ANKRD22: variants seen among roughly 807,000 people sequenced by gnomAD.
ANKRD22 encodes the protein ankyrin repeat domain 22.
A neutral mutation model predicts 25.7 loss-of-function variants in ANKRD22; 24 were observed. The ratio of observed to expected loss-of-function variants is 0.93; its 90% CI spans 0.68 to 1.31. ANKRD22 has a LOEUF of 1.31. Ranked by LOEUF, ANKRD22 falls within the 50% of genes most tolerant of loss-of-function variation. The pLI, the probability that ANKRD22 is intolerant of heterozygous loss-of-function variation, is 0.00. For missense variants in ANKRD22, 214 were observed against 227.1 expected (o/e 0.94, Z 0.37); for synonymous variants, 84 against 84.3 (o/e 1.00, Z 0.02).
rs1843811609 is a variant in ANKRD22 at position 88,822,650 on chromosome 10, T to G, written c.*291A>C. The G allele has an allele frequency of 5.0e-6, 1 of 200,208 alleles. No individual in the cohort carries two copies. Among genetic ancestry groups the G allele is most frequent in the Non-Finnish European group, 9.9e-6 (1 of 101,002 alleles). The allele number at this position is 200,208 out of a possible 1,614,324, so 12.4% of individuals were successfully genotyped here. A position where few individuals can be genotyped will look rare whatever the true frequency, so the allele number is the denominator to read the frequency against. On this transcript the variant is annotated 3_prime_UTR_variant, in exon 6 of 6. Coordinates refer to ENST00000371930, the MANE Select transcript of ANKRD22 (RefSeq NM_144590.3). ...CTCCCACCTCAGCCTCCCAAGTAGC[T>G]GGGATTACAGGCATGTACCACTGTG...
intron 1 of ANKRD22, among the ~76,000 whole-genome samples, chr10:88,839,614 A>G (rs1285880777): frequency 6.6e-6 from 1 of 152,168 alleles, no homozygotes; most frequent in Non-Finnish European, 1.5e-5. Flanking sequence ...TAAATGAGCT[A>G]GTGGGTTAAA....
chr10:88,842,855 G>C (rs1443726176), intron 1 of ANKRD22, among the ~76,000 whole-genome samples: 2 of 152,148 alleles, frequency 1.3e-5, no homozygotes, highest in Non-Finnish European at 2.9e-5. Flanking sequence ...ATAGTGTTAT[G>C]AATTGTTACT....
intron 1 of ANKRD22, among the ~76,000 whole-genome samples, chr10:88,841,072 C>T (rs1208465962): frequency 2.0e-5 from 3 of 152,102 alleles, no homozygotes; most frequent in Non-Finnish European, 4.4e-5. Context: ...CCTGAAAGGT[C>T]TGTTTGAGAA....
chr10:88,846,421 A>T (rs1344925344), intron 1 of ANKRD22, among the ~76,000 whole-genome samples: 2 of 152,198 alleles, frequency 1.3e-5, no homozygotes, highest in Admixed American at 6.5e-5. Flanking sequence ...ATAAAGTCAC[A>T]TTTGGGGAAA....
At chr10:88,838,084 G>T (rs1291466866) in intron 1 of ANKRD22, among the ~76,000 whole-genome samples, 1 of 152,150 alleles carries the variant, frequency 6.6e-6, no homozygotes, top group Non-Finnish European at 1.5e-5. Flanking sequence ...TGAGACAAGG[G>T]TAGATGAGAC....
At chr10:88,834,714 C>A (rs994034794) in intron 1 of ANKRD22, among the ~76,000 whole-genome samples, 6 of 152,176 alleles carry the variant, frequency 3.9e-5, no homozygotes, top group Non-Finnish European at 7.4e-5. Context: ...GTGGGTGGAT[C>A]ACCTGAGGTC....
intron 2 of ANKRD22, 69 bp downstream of exon 2, chr10:88,831,766 C>A: frequency 6.9e-7 from 1 of 1,449,472 alleles, no homozygotes; most frequent in Non-Finnish European, 9.2e-7. Flanking sequence ...ACATGCACCA[C>A]TTCTAGTGAT....
chr10:88,838,383 TA>T (rs1843974899), intron 1 of ANKRD22, among the ~76,000 whole-genome samples: 1 of 152,156 alleles, frequency 6.6e-6, no homozygotes, highest in Non-Finnish European at 1.5e-5. Context: ...GCATCATATG[TA>T]AGCCAGATAA....
At chr10:88,827,201 C>T (rs1843863361) in intron 3 of ANKRD22, among the ~76,000 whole-genome samples, 2 of 138,326 alleles carry the variant, frequency 1.4e-5, no homozygotes. Flanking sequence ...AACTGCCTTT[C>T]TCTGCCTACT....
intron 1 of ANKRD22, among the ~76,000 whole-genome samples, chr10:88,836,177 C>T (rs1017501038): frequency 6.6e-6 from 1 of 152,152 alleles, no homozygotes; most frequent in Admixed American, 6.5e-5. Context: ...ACTGTCTTAT[C>T]CACACCCTTG....
chr10:88,847,408 G>T (rs7476658), intron 1 of ANKRD22, among the ~76,000 whole-genome samples: 1 of 152,158 alleles, frequency 6.6e-6, no homozygotes, highest in Non-Finnish European at 1.5e-5. Flanking sequence ...ACAGGCACAT[G>T]CCTCCACACC....
At chr10:88,825,820 A>T (rs1372309783) in intron 4 of ANKRD22, among the ~76,000 whole-genome samples, 2 of 152,228 alleles carry the variant, frequency 1.3e-5, no homozygotes, top group South Asian at 2.1e-4. Context: ...CAATTATTTT[A>T]AAAATGCTTT....
intron 1 of ANKRD22, among the ~76,000 whole-genome samples, chr10:88,842,291 T>C (rs1396881885): frequency 6.6e-6 from 1 of 152,104 alleles, no homozygotes; most frequent in Non-Finnish European, 1.5e-5. Flanking sequence ...AAAAATAATA[T>C]TATCCCTCTT....
intron 3 of ANKRD22, 135 bp from the exon 4 acceptor site, chr10:88,826,250 C>T: frequency 1.5e-6 from 1 of 687,350 alleles, no homozygotes. Flanking sequence ...CTAAAATTTC[C>T]CCCAGCTTCT....
intron 1 of ANKRD22, among the ~76,000 whole-genome samples, chr10:88,844,400 G>A (rs1844029569): frequency 6.6e-6 from 1 of 152,104 alleles, no homozygotes; most frequent in Non-Finnish European, 1.5e-5. Context: ...TAGAAAGTTA[G>A]TGTTAAGACT....
At chr10:88,831,764 C>A in intron 2 of ANKRD22, 71 bp downstream of exon 2, 1 of 1,417,184 alleles carries the variant, frequency 7.1e-7, no homozygotes, top group Non-Finnish European at 9.4e-7. Context: ...TGACATGCAC[C>A]ACTTCTAGTG....
At chr10:88,834,282 G>A (rs1180208197) in intron 1 of ANKRD22, among the ~76,000 whole-genome samples, 1 of 152,120 alleles carries the variant, frequency 6.6e-6, no homozygotes, top group Admixed American at 6.5e-5. Flanking sequence ...TTTCATAAAA[G>A]ATATTTTAAC....
intron 1 of ANKRD22, among the ~76,000 whole-genome samples, chr10:88,836,298 A>G (rs987157566): frequency 6.6e-6 from 1 of 152,226 alleles, no homozygotes; most frequent in African/African-American, 2.4e-5. Context: ...CTGATTCATC[A>G]TTGTACCCCC....
chr10:88,835,973 A>G (rs943114376), intron 1 of ANKRD22, among the ~76,000 whole-genome samples: 1 of 152,162 alleles, frequency 6.6e-6, no homozygotes, highest in Non-Finnish European at 1.5e-5. Context: ...ATTTGGGGGC[A>G]CCCTGGGTGT....
Sources: allele counts gnomAD v4.1 joint callset (sites outside exome capture counted in the v4.1 genomes callset), GRCh38; gene constraint gnomAD v4.1.1; transcripts MANE v1.5; gene names NCBI Gene and HGNC (gene_info 2026-07-23, HGNC 2026-07-21).